KLHL26: variants seen among roughly 807,000 people sequenced by gnomAD.
The protein encoded by KLHL26 is kelch like family member 26.
KLHL26 carries 4 observed loss-of-function variants against 7.1 expected under a neutral mutation model. That is an observed-to-expected ratio of 0.56 (90% CI 0.28 to 1.28). The LOEUF is 1.28. Among genes scored for constraint, KLHL26 ranks in the 50% most tolerant of loss-of-function variants. KLHL26 has a pLI of 0.11. For synonymous variants in KLHL26, 465 were observed against 414.1 expected, an observed-to-expected ratio of 1.12 and a Z score of -1.49; for missense variants, 896 against 924.6, an observed-to-expected ratio of 0.97 and a Z score of 0.40.
At chr19:18,659,498 G>A (rs1297836599) in intron 1 of KLHL26, among the ~76,000 whole-genome samples, 1 of 152,238 alleles carries the variant, frequency 6.6e-6, no homozygotes, top group Admixed American at 6.5e-5. Flanking sequence ...CCTCTTTGAG[G>A]GGAAGTGAGG....
At chr19:18,643,626 G>A (rs1404211754) in intron 1 of KLHL26, among the ~76,000 whole-genome samples, 2 of 151,716 alleles carry the variant, frequency 1.3e-5, no homozygotes, top group Non-Finnish European at 2.9e-5. Context: ...TTACAGACAT[G>A]TGCCACCATG....
intron 1 of KLHL26, among the ~76,000 whole-genome samples, chr19:18,638,144 T>C (rs1206260793): frequency 2.0e-5 from 3 of 152,170 alleles, no homozygotes; most frequent in African/African-American, 4.8e-5. Flanking sequence ...AGGAGGAAAT[T>C]CAGGCTTTTT....
chr19:18,668,053 A>G lies in KLHL26; in HGVS notation c.656A>G (p.Gln219Arg). The G allele has an allele frequency of 6.2e-7, 1 of 1,607,860 alleles. No individual in the cohort carries two copies. Among genetic ancestry groups the G allele is most frequent in the Non-Finnish European group, 8.5e-7 (1 of 1,179,926 alleles). ...LVFFLQSNRL[Q>R]SCAEIDLFRA... Reference sequence around the variant, plus strand: ...TTCTTCCTGCAGAGCAACCGGCTGCAGAGCTGTGCCGAGATCGACCTGTTC... The same window carrying G: ...TTCTTCCTGCAGAGCAACCGGCTGCGGAGCTGTGCCGAGATCGACCTGTTC... Residue 219 changes from glutamine (Q) to arginine (R), a missense_variant, in exon 3 of 3, where the codon CAG (glutamine) becomes CGG (arginine). Transcript: ENST00000300976.
In KLHL26 at chr19:18,668,331, G is replaced by C. The variant is rs370883254; in HGVS notation, c.934G>C (p.Val312Leu). ...CGTGCGCTCGGATGTGCCCTCGCTC[G>C]TCACCTTCGGCGGCACGCCCTACAC... Reference protein sequence around the residue: ...TAVRSDVPSLVTFGGTPYTDS... With the variant: ...TAVRSDVPSLLTFGGTPYTDS... Residue 312 changes from valine to leucine, a missense_variant, in exon 3 of 3, where the codon GTC (valine) becomes CTC (leucine). Physicochemically the swap from Val to Leu is conservative, Grantham distance 32 (BLOSUM62 1). Coordinates refer to ENST00000300976, the MANE Select transcript of KLHL26 (RefSeq NM_018316.3). 6.2e-7 allele frequency: 1 copy of C among 1,609,296 alleles called. No homozygotes were observed. The highest frequency in any genetic ancestry group is 1.1e-5 in the South Asian group (1 of 91,032).
chr19:18,667,762 A>G lies in KLHL26; in HGVS notation c.365A>G (p.Tyr122Cys). 2 of 1,613,312 alleles carry G rather than the reference A, an allele frequency of 1.2e-6. No individual in the cohort carries two copies. Among genetic ancestry groups the G allele is most frequent in the Non-Finnish European group, 1.7e-6 (2 of 1,179,996 alleles). The stretch of plus-strand genomic sequence containing the variant: ...CTGCGGCACATCATCGACTTCGCCT[A>G]CAGCGCCGAGGTGACACTGGACCTG... ...RGLRHIIDFA[Y>C]SAEVTLDLDC... The change falls in exon 3 of 3, where the codon TAC (tyrosine) becomes TGC (cysteine). Residue 122 changes from tyrosine to cysteine, a missense_variant. Physicochemically the swap from Tyr to Cys is radical, Grantham distance 194. Coordinates refer to ENST00000300976, the MANE Select transcript of KLHL26 (RefSeq NM_018316.3).
intron 1 of KLHL26, among the ~76,000 whole-genome samples, chr19:18,654,855 T>G (rs1404103877): frequency 2.0e-5 from 3 of 152,140 alleles, no homozygotes; most frequent in Non-Finnish European, 4.4e-5. Flanking sequence ...TACCCATCCA[T>G]CTACCTGTCC....
chr19:18,646,198 T>G lies in KLHL26; in HGVS notation c.83+9061T>G, dbSNP rs1268865742. Among the ~76,000 whole-genome samples, 1 of 152,210 alleles carries G rather than the reference T, an allele frequency of 6.6e-6. No homozygotes were observed. The highest frequency in any genetic ancestry group is 2.4e-5 in the African/African-American group (1 of 41,446). ...GTGCAGTGGCATGATTTTGGCTCAC[T>G]GCAACCTCCGCCTTCTGGGTTCAAG... On this transcript the variant is annotated intron_variant, in intron 1 of 2. Coordinates refer to ENST00000300976, the MANE Select transcript of KLHL26 (RefSeq NM_018316.3). The surrounding 1 kb of genome is among the most constrained non-coding windows in gnomAD (Gnocchi z 5.0).
chr19:18,642,382 T>TGTGTGTGTGTGTGTGTGTGTGTG (rs71168756), intron 1 of KLHL26, among the ~76,000 whole-genome samples: 1 of 150,292 alleles, frequency 6.7e-6, no homozygotes, highest in Non-Finnish European at 1.5e-5. Flanking sequence ...TGTGTGTGTG[T>TGTGTGTGTGTGTGTGTGTGTGTG]TTGAGATGGA....
Position 18,667,919 on chromosome 19 carries a change from C to G in KLHL26, c.522C>G (p.Thr174=). The part of the protein sequence containing the change: ...TCLNIGQMAT[T]FSLASLRESV... Reference sequence around the variant, plus strand: ...TCAACATCGGCCAGATGGCCACCACCTTCAGCCTGGCCTCGCTGCGAGAGT... The same window carrying G: ...TCAACATCGGCCAGATGGCCACCACGTTCAGCCTGGCCTCGCTGCGAGAGT... The change falls in exon 3 of 3, where the codon ACC becomes ACG. Residue 174 remains threonine (T), a synonymous_variant. Coordinates refer to ENST00000300976, the MANE Select transcript of KLHL26 (RefSeq NM_018316.3). The G allele has an allele frequency of 6.2e-7, 1 of 1,611,984 alleles. No homozygotes were observed. Among genetic ancestry groups the G allele is most frequent in the South Asian group, 1.1e-5 (1 of 91,092 alleles).
intron 1 of KLHL26, among the ~76,000 whole-genome samples, chr19:18,647,086 G>A (rs942001667): frequency 1.3e-5 from 2 of 152,216 alleles, no homozygotes; most frequent in African/African-American, 4.8e-5. Flanking sequence ...CCTCACAGCT[G>A]AGCCCCTTCT....
At chr19:18,659,421 GC>G (rs1452872970) in intron 1 of KLHL26, among the ~76,000 whole-genome samples, 1 of 152,224 alleles carries the variant, frequency 6.6e-6, no homozygotes, top group Admixed American at 6.5e-5. Flanking sequence ...GCTGTGCTGT[GC>G]TGCTGTGCTC....
Position 18,665,058 on chromosome 19 carries a change from T to C in KLHL26, c.266+615T>C, listed in dbSNP as rs540127658. 8.6e-5 allele frequency among the ~76,000 whole-genome samples: 13 copies of C among 151,026 alleles called. No homozygotes were observed. The South Asian group carries it at 2.8e-3, about 32-fold the overall frequency. ...GGCTTGGCCAGGTTTTTGATCTGTT[T>C]TGTTTTTTTTTTTTTTGAGACAAAG... is the stretch of plus-strand genomic sequence containing the variant. On this transcript the variant is annotated intron_variant, in intron 2 of 2. Coordinates refer to ENST00000300976, the MANE Select transcript of KLHL26 (RefSeq NM_018316.3).
intron 1 of KLHL26, among the ~76,000 whole-genome samples, chr19:18,638,203 T>C (rs1219352712): frequency 1.3e-5 from 2 of 152,196 alleles, no homozygotes; most frequent in African/African-American, 4.8e-5. Flanking sequence ...ACATGATAAA[T>C]GATGAAGTTG....
rs1411121238 is a variant in KLHL26, at chr19:18,656,841, C to G, written c.84-7420C>G. 6.6e-6 allele frequency among the ~76,000 whole-genome samples: 1 copy of G among 152,066 alleles called. No homozygotes were observed. The highest frequency in any genetic ancestry group is 2.4e-5 in the African/African-American group (1 of 41,392). On this transcript the variant is annotated intron_variant, in intron 1 of 2. Transcript: ENST00000300976. The surrounding 1 kb of genome is among the most constrained non-coding windows in gnomAD (Gnocchi z 4.4). The stretch of plus-strand genomic sequence containing the variant: ...TGGCGGGTTCCTGTTTGAAATGATT[C>G]GTGAAGATGTTGGAGAAAATCAGCA...
At chr19:18,667,336 T>G (rs1194930473) in intron 2 of KLHL26, 3 of 400,678 alleles carry the variant, frequency 7.5e-6, no homozygotes, top group Admixed American at 3.7e-5. Flanking sequence ...TGCCTGGCCT[T>G]TGCATGTTTT....
intron 1 of KLHL26, among the ~76,000 whole-genome samples, chr19:18,661,832 A>G (rs1258156952): frequency 6.6e-6 from 1 of 150,968 alleles, no homozygotes; most frequent in Non-Finnish European, 1.5e-5. Context: ...AGCGAGGCTG[A>G]CTCTTACGTC....
chr19:18,652,626 A>G (rs1447838911), intron 1 of KLHL26, among the ~76,000 whole-genome samples: 1 of 148,550 alleles, frequency 6.7e-6, no homozygotes, highest in East Asian at 2.0e-4. Flanking sequence ...GCTCCAGCCC[A>G]GTGCTGCCAC....
intron 1 of KLHL26, among the ~76,000 whole-genome samples, chr19:18,659,983 C>T (rs947328710): frequency 1.3e-5 from 2 of 152,218 alleles, no homozygotes; most frequent in East Asian, 1.9e-4. Context: ...GAGGGCCCCA[C>T]GAAAGAACAG....
At position 18,667,965 on chromosome 19, in the gene KLHL26, C is replaced by CG; in HGVS notation, c.570dup (p.His191AlafsTer47). The CG allele has an allele frequency of 1.2e-6, 2 of 1,609,116 alleles. No individual in the cohort carries two copies. Among genetic ancestry groups the CG allele is most frequent in the Non-Finnish European group, 1.7e-6 (2 of 1,179,972 alleles). Reference sequence around the variant, plus strand: ...AGAGTCGGTGGATGCCTTCACCTTCCGGCACTTCCTGCAGATCGCCGAGGA... The same window carrying CG: ...AGAGTCGGTGGATGCCTTCACCTTCCGGGCACTTCCTGCAGATCGCCGAGGA... On this transcript the variant is annotated frameshift_variant, in exon 3 of 3. Coordinates refer to ENST00000300976, the MANE Select transcript of KLHL26 (RefSeq NM_018316.3). LOFTEE classifies it low-confidence loss of function (END_TRUNC).
Sources: allele counts gnomAD v4.1 joint callset (sites outside exome capture counted in the v4.1 genomes callset), GRCh38; gene constraint gnomAD v4.1.1; non-coding constraint Gnocchi (gnomAD v3.1); transcripts MANE v1.5; gene names NCBI Gene and HGNC (gene_info 2026-07-23, HGNC 2026-07-21).